PRRG1: variants seen among roughly 807,000 people sequenced by gnomAD.
The protein encoded by PRRG1 is proline rich and Gla domain 1, also known as transmembrane gamma-carboxyglutamic acid protein 1.
A neutral mutation model predicts 11.8 loss-of-function variants in PRRG1; 5 were observed. That is an observed-to-expected ratio of 0.42 (90% confidence interval 0.22 to 0.89). The LOEUF is 0.89. PRRG1 is among the 40% of genes least tolerant of loss of function. PRRG1 has a pLI of 0.28. For missense variants in PRRG1, 155 were observed against 166.1 expected (o/e 0.93, Z 0.37); for synonymous variants, 66 against 60.4 (o/e 1.09, Z -0.43).
intron 1 of PRRG1, among the ~76,000 whole-genome samples, chrX:37,352,503 C>A (rs1434363917): frequency 9.0e-6 from 1 of 111,459 alleles, no homozygotes; most frequent in Non-Finnish European, 1.9e-5. Flanking sequence ...ATATTCCAAA[C>A]CAACCATTGT....
intron 3 of PRRG1, among the ~76,000 whole-genome samples, chrX:37,432,221 G>A (rs1932836450): frequency 9.1e-6 from 1 of 110,187 alleles, no homozygotes; most frequent in African/African-American, 3.3e-5. Flanking sequence ...CCAAGTAGCT[G>A]GGACTACAGA....
At chrX:37,423,231 A>T (rs993748716) in intron 2 of PRRG1, among the ~76,000 whole-genome samples, 1 of 110,667 alleles carries the variant, frequency 9.0e-6, no homozygotes, top group Non-Finnish European at 1.9e-5. Context: ...ACAAAAATTA[A>T]CTTTTTTTAA....
Position 37,351,340 on chromosome X carries a change from A to G in PRRG1, c.-42+1945A>G, listed in dbSNP as rs1005525154. On this transcript the variant is annotated intron_variant, in intron 1 of 3. Transcript: ENST00000378628. The stretch of plus-strand genomic sequence containing the variant: ...AAACCCCGTCTCTACTAAAAATACA[A>G]AAAAATTAGCCGGGCGTGGTGGTGG... 3.6e-5 allele frequency among the ~76,000 whole-genome samples: 4 copies of G among 109,918 alleles called. No individual in the cohort carries two copies. The East Asian group carries it at 1.1e-3, about 31-fold the overall frequency.
In PRRG1 at chrX:37,453,512, G is replaced by A; in HGVS notation, c.548G>A (p.Arg183Lys). 3.3e-6 allele frequency: 4 copies of A among 1,211,168 alleles called. No homozygotes were observed. Among genetic ancestry groups the A allele is most frequent in the Non-Finnish European group, 4.5e-6 (4 of 895,292 alleles). Reference protein sequence around the residue: ...EEATGQVNLQRSETEPHLDPP... With the variant: ...EEATGQVNLQKSETEPHLDPP... The stretch of plus-strand genomic sequence containing the variant: ...GCCACTGGCCAAGTGAACCTGCAGA[G>A]GAGTGAAACAGAACCTCATTTAGAC... Residue 183 changes from arginine (R) to lysine (K), a missense_variant, in exon 4 of 4, where the codon AGG (arginine) becomes AAG (lysine). Arg to Lys is a conservative substitution (Grantham distance 26). Coordinates refer to ENST00000378628, the MANE Select transcript of PRRG1 (RefSeq NM_001142395.2).
At chrX:37,386,877 CTGT>C (rs1394727095) in intron 1 of PRRG1, among the ~76,000 whole-genome samples, 6 of 112,400 alleles carry the variant, frequency 5.3e-5, no homozygotes, top group Non-Finnish European at 1.1e-4. Context: ...TTATCTGCTG[CTGT>C]TATTATTCCC....
At chrX:37,442,290 T>G in intron 3 of PRRG1, 1 of 704,305 alleles carries the variant, frequency 1.4e-6, no homozygotes, top group Non-Finnish European at 1.7e-6. Context: ...CACATCCCCA[T>G]GCAGGCTTAA....
intron 1 of PRRG1, among the ~76,000 whole-genome samples, chrX:37,401,138 G>A (rs1215064207): frequency 9.1e-6 from 1 of 110,468 alleles, no homozygotes; most frequent in Non-Finnish European, 1.9e-5. Flanking sequence ...ATTTTATGAG[G>A]CCAGTATCAT....
At chrX:37,418,429 T>A (rs1222096016) in intron 2 of PRRG1, among the ~76,000 whole-genome samples, 11 of 112,128 alleles carry the variant, frequency 9.8e-5, no homozygotes, top group African/African-American at 3.6e-4. Flanking sequence ...ATCGGCTTCC[T>A]TGTTAATTTG....
intron 1 of PRRG1, among the ~76,000 whole-genome samples, chrX:37,398,673 A>G (rs1212893003): frequency 8.9e-6 from 1 of 112,491 alleles, no homozygotes; most frequent in East Asian, 2.8e-4. Flanking sequence ...TCAGACGATC[A>G]AACTCCTCCG....
At chrX:37,398,224 A>AC (rs1343039913) in intron 1 of PRRG1, among the ~76,000 whole-genome samples, 18 of 109,461 alleles carry the variant, frequency 1.6e-4, no homozygotes, top group African/African-American at 5.3e-4. Flanking sequence ...ACTGGGAGGC[A>AC]CCCCCCCAGT....
intron 1 of PRRG1, among the ~76,000 whole-genome samples, chrX:37,370,637 C>T (rs894298935): frequency 9.0e-6 from 1 of 111,683 alleles, no homozygotes; most frequent in Non-Finnish European, 1.9e-5. Context: ...CCTCCCTGTG[C>T]ACCTTGGGGC....
chrX:37,401,279 T>A (rs1339275887), intron 1 of PRRG1, among the ~76,000 whole-genome samples: 51 of 110,691 alleles, frequency 4.6e-4, no homozygotes, highest in African/African-American at 1.3e-3. Context: ...CAAAAAGCTT[T>A]TCCACCATGA....
intron 2 of PRRG1, among the ~76,000 whole-genome samples, chrX:37,425,186 T>C (rs1932758313): frequency 9.0e-6 from 1 of 111,729 alleles, no homozygotes; most frequent in Non-Finnish European, 1.9e-5. Context: ...TGAATGTTTA[T>C]ATGAAATGCC....
intron 1 of PRRG1, among the ~76,000 whole-genome samples, chrX:37,396,553 T>C (rs781937616): frequency 1.8e-5 from 2 of 111,570 alleles, no homozygotes; most frequent in Non-Finnish European, 3.8e-5. Flanking sequence ...TCATGTAAGA[T>C]GTGACTTGCT....
At chrX:37,438,120 G>A (rs2146623240) in intron 3 of PRRG1, among the ~76,000 whole-genome samples, 1 of 110,492 alleles carries the variant, frequency 9.1e-6, no homozygotes, top group African/African-American at 3.3e-5. Context: ...GGGGAAGCAG[G>A]AGAATCACTT....
chrX:37,403,879 T>C (rs1932109687), intron 1 of PRRG1: 1 of 466,657 alleles, frequency 2.1e-6, no homozygotes, highest in Non-Finnish European at 2.6e-6. Context: ...AATAAGATGC[T>C]GATCTTTGGA....
chrX:37,391,746 G>A (rs782237380), intron 1 of PRRG1, among the ~76,000 whole-genome samples: 14 of 111,659 alleles, frequency 1.3e-4, no homozygotes, highest in Non-Finnish European at 2.3e-4. Context: ...TGATTTATAG[G>A]GCATCTAGAT....
intron 3 of PRRG1, among the ~76,000 whole-genome samples, chrX:37,444,695 G>A (rs1429739554): frequency 9.0e-6 from 1 of 111,127 alleles, no homozygotes; most frequent in Admixed American, 9.6e-5. Flanking sequence ...CATTAGCACT[G>A]TATTTCTACC....
chrX:37,451,525 T>G (rs1436188307), intron 3 of PRRG1, among the ~76,000 whole-genome samples: 8 of 112,395 alleles, frequency 7.1e-5, no homozygotes, highest in Non-Finnish European at 1.5e-4. Context: ...CAATTTCAGC[T>G]TTTCGATATT....
Sources: allele counts gnomAD v4.1 joint callset (sites outside exome capture counted in the v4.1 genomes callset), GRCh38; gene constraint gnomAD v4.1.1; transcripts MANE v1.5; gene names NCBI Gene and HGNC (gene_info 2026-07-23, HGNC 2026-07-21).